Variants in HS3ST5 observed in about 807,000 individuals in gnomAD.
HS3ST5 encodes the protein heparan sulfate glucosamine 3-O-sulfotransferase 5.
In HS3ST5, 10 loss-of-function variants were observed where a neutral mutation model predicts 25.4. The ratio of observed to expected loss-of-function variants is 0.39; its 90% CI spans 0.24 to 0.67. HS3ST5 has a LOEUF of 0.67. Among genes scored for constraint, HS3ST5 ranks in the 30% least tolerant of loss-of-function variants. The pLI, the probability that HS3ST5 is intolerant of heterozygous loss-of-function variation, is 0.44. For missense variants in HS3ST5, 324 were observed against 420.7 expected (o/e 0.77, Z 2.01); for synonymous variants, 170 against 162.4 (o/e 1.05, Z -0.36).
intron 3 of HS3ST5, among the ~76,000 whole-genome samples, chr6:114,093,895 G>T (rs141317216): frequency 6.6e-6 from 1 of 152,246 alleles, no homozygotes; most frequent in Non-Finnish European, 1.5e-5. Context: ...GCATGTAGAT[G>T]GTAGTATAGC....
intron 3 of HS3ST5, among the ~76,000 whole-genome samples, chr6:114,114,410 T>A (rs141376706): frequency 6.6e-6 from 1 of 152,146 alleles, no homozygotes; most frequent in East Asian, 1.9e-4. Context: ...TAAAGTTTTC[T>A]TGATGGTAAT....
rs559842846 is a variant in HS3ST5 at position 114,100,159 on chromosome 6, G to A, written c.-32-37282C>T. ...GACAATTCCTAGCTGAAGCCTACAT[G>A]TGTGTTACGAACCATACACAAACAG... On this transcript the variant is annotated intron_variant, in intron 3 of 4. Transcript: ENST00000312719. Among the ~76,000 whole-genome samples, 3 of 152,266 alleles carry A rather than the reference G, an allele frequency of 2.0e-5. No individual in the cohort carries two copies. In the East Asian group the frequency reaches 5.8e-4, roughly 29 times the overall value.
intron 3 of HS3ST5, among the ~76,000 whole-genome samples, chr6:114,134,765 G>A (rs1370412887): frequency 6.6e-6 from 1 of 152,202 alleles, no homozygotes; most frequent in Non-Finnish European, 1.5e-5. Context: ...GAGGGGAGAT[G>A]CCTTAGCCCC....
intron 3 of HS3ST5, chr6:114,088,807 GACTC>G (rs1482340924): frequency 3.9e-5 from 6 of 152,114 alleles, no homozygotes; most frequent in African/African-American, 1.4e-4. Flanking sequence ...AATAGGGAAA[GACTC>G]AGCAAGATTT....
At chr6:114,137,354 G>A (rs1777674333) in intron 3 of HS3ST5, among the ~76,000 whole-genome samples, 1 of 152,124 alleles carries the variant, frequency 6.6e-6, no homozygotes. Context: ...TGTCAAGGTG[G>A]TAAGAGAAAT....
At chr6:114,147,000 G>T (rs1490660365) in intron 3 of HS3ST5, among the ~76,000 whole-genome samples, 4 of 152,162 alleles carry the variant, frequency 2.6e-5, no homozygotes, top group Non-Finnish European at 5.9e-5. Flanking sequence ...TTTCATCACT[G>T]GTATGGATCA....
intron 3 of HS3ST5, among the ~76,000 whole-genome samples, chr6:114,135,640 A>C (rs577023524): frequency 1.4e-4 from 22 of 152,322 alleles, no homozygotes; most frequent in African/African-American, 4.1e-4. Flanking sequence ...TTTAGGTCAG[A>C]TGTCATCTTT....
intron 1 of HS3ST5, among the ~76,000 whole-genome samples, chr6:114,316,795 C>A (rs1389750095): frequency 6.6e-6 from 1 of 152,102 alleles, no homozygotes; most frequent in Non-Finnish European, 1.5e-5. Flanking sequence ...TTAAGGGCAA[C>A]AACAATTTTT....
intron 3 of HS3ST5, chr6:114,131,148 T>A (rs1020697330): frequency 6.6e-6 from 1 of 152,220 alleles, no homozygotes; most frequent in African/African-American, 2.4e-5. Context: ...GCATCAAAGT[T>A]GCATGAGTAA....
intron 3 of HS3ST5, among the ~76,000 whole-genome samples, chr6:114,076,671 A>T (rs569976719): frequency 6.6e-6 from 1 of 152,312 alleles, no homozygotes; most frequent in Non-Finnish European, 1.5e-5. Context: ...GCTGAGGAAA[A>T]TTGTCATAAA....
In HS3ST5 at chr6:114,122,247, A is replaced by G. The variant is rs142306790; in HGVS notation, c.-33+46104T>C. On this transcript the variant is annotated intron_variant, in intron 3 of 4. Transcript: ENST00000312719. ...AGGAGCCACTCTGCAGGATACCCAT[A>G]TCATCCTTTGAGGCTGACCTTTGGG... Among the ~76,000 whole-genome samples, 394 of 152,292 alleles carry G rather than the reference A, an allele frequency of 2.6e-3. 1 individual carries two copies. The highest frequency in any genetic ancestry group is 6.8e-3 in the Middle Eastern group (2 of 294).
intron 2 of HS3ST5, among the ~76,000 whole-genome samples, chr6:114,183,652 A>T (rs1780069617): frequency 6.6e-6 from 1 of 152,202 alleles, no homozygotes; most frequent in African/African-American, 2.4e-5. Flanking sequence ...TGAAGTGGGC[A>T]TTGGGTAATA....
At position 114,070,006 on chromosome 6, in the gene HS3ST5, C is replaced by T. The variant is rs540658407; in HGVS notation, c.-32-7129G>A. ...TGTTATCTTGTTATATGGATAAATC[C>T]TCTAGTGGAGATTTCTGAGATTTTA... On this transcript the variant is annotated intron_variant, in intron 3 of 4. Coordinates refer to ENST00000312719, the MANE Select transcript of HS3ST5 (RefSeq NM_153612.4). 7.9e-5 allele frequency among the ~76,000 whole-genome samples: 12 copies of T among 151,858 alleles called. No individual in the cohort carries two copies. In the South Asian group the frequency reaches 1.5e-3, roughly 18 times the overall value.
chr6:114,308,740 G>A (rs561711476), intron 1 of HS3ST5, among the ~76,000 whole-genome samples: 145 of 152,276 alleles, frequency 9.5e-4, no homozygotes, highest in African/African-American at 3.2e-3. Flanking sequence ...GTCCCAGGAG[G>A]AGGTGAAAAC....
chr6:114,142,514 G>T (rs1004041152), intron 3 of HS3ST5, among the ~76,000 whole-genome samples: 1 of 152,184 alleles, frequency 6.6e-6, no homozygotes, highest in Non-Finnish European at 1.5e-5. Flanking sequence ...GAGGGTGGGT[G>T]AGGATAACAC....
chr6:114,331,675 G>A lies in HS3ST5; in HGVS notation c.-339+10520C>T, dbSNP rs114528321. On this transcript the variant is annotated intron_variant, in intron 1 of 4. Coordinates refer to ENST00000312719, the MANE Select transcript of HS3ST5 (RefSeq NM_153612.4). The stretch of plus-strand genomic sequence containing the variant: ...TACTTGCATATATAATTACTTACCA[G>A]GGGATGACCATGCACATCTAAAAAA... Among the ~76,000 whole-genome samples the A allele has an allele frequency of 8.5e-3, 1,296 of 151,984 alleles. 23 individuals are homozygous for A. The highest frequency in any genetic ancestry group is 0.03 in the African/African-American group (1,241 of 41,470).
At chr6:114,188,524 G>A (rs576435019) in intron 2 of HS3ST5, among the ~76,000 whole-genome samples, 1 of 152,216 alleles carries the variant, frequency 6.6e-6, no homozygotes, top group African/African-American at 2.4e-5. Flanking sequence ...ATGGAAAACA[G>A]GAGCTCCCTG....
chr6:114,070,125 G>A (rs1384728511), intron 3 of HS3ST5, among the ~76,000 whole-genome samples: 2 of 152,034 alleles, frequency 1.3e-5, no homozygotes, highest in Non-Finnish European at 2.9e-5. Context: ...AGTCCCCAAA[G>A]TCCATTCTAT....
rs904068020 is a variant in HS3ST5 at position 114,252,179 on chromosome 6, T to G, written c.-338-23401A>C. ...CTAAAAAAAAAAAATCCATTAGTAC[T>G]CTAACACTGTAAGTGTCTCTATGCC... On this transcript the variant is annotated intron_variant, in intron 1 of 4. Coordinates refer to ENST00000312719, the MANE Select transcript of HS3ST5 (RefSeq NM_153612.4). Among the ~76,000 whole-genome samples the G allele has an allele frequency of 4.6e-5, 7 of 152,226 alleles. No homozygotes were observed. The South Asian group carries it at 1.0e-3, about 23-fold the overall frequency.
Sources: allele counts gnomAD v4.1 joint callset (sites outside exome capture counted in the v4.1 genomes callset), GRCh38; gene constraint gnomAD v4.1.1; transcripts MANE v1.5; gene names NCBI Gene and HGNC (gene_info 2026-07-23, HGNC 2026-07-21).